Variants in IL17RE observed in about 807,000 individuals in gnomAD.
IL17RE encodes interleukin-17 receptor E.
IL17RE carries 47 observed loss-of-function variants against 70.7 expected under a neutral mutation model. The observed-to-expected ratio is 0.67, with a 90% CI of 0.53 to 0.85. The LOEUF is 0.85. IL17RE is among the 40% of genes least tolerant of loss of function. The pLI is 0.00. For synonymous variants in IL17RE, 372 were observed against 381.2 expected (o/e 0.98, Z 0.28); for missense variants, 850 against 893.9 (o/e 0.95, Z 0.63).
Position 9,909,677 on chromosome 3 carries a change from T to G in IL17RE, c.802+394T>G, listed in dbSNP as rs969514369. ...CTGCCTTCAAAGTGTTTGTGAAGCCTGAGTTAAATATTACATATGAAAGTG... is the reference window on the plus strand; with the variant it reads ...CTGCCTTCAAAGTGTTTGTGAAGCCGGAGTTAAATATTACATATGAAAGTG... On this transcript the variant is annotated intron_variant, in intron 8 of 15. Transcript: ENST00000383814. The G allele has an allele frequency of 3.7e-5, 7 of 190,246 alleles. No individual in the cohort carries two copies. In the East Asian group the frequency reaches 9.5e-4, roughly 26 times the overall value. 11.8% of individuals were successfully genotyped at this position (190,246 alleles called of 1,614,324 possible).
At chr3:9,911,373 C>A in intron 11 of IL17RE, 70 bp from the exon 12 acceptor site, 2 of 1,612,976 alleles carry the variant, frequency 1.2e-6, no homozygotes, top group Non-Finnish European at 1.7e-6. Flanking sequence ...CCAAGCTAAA[C>A]CCCAGCCCAG....
intron 12 of IL17RE, among the ~76,000 whole-genome samples, chr3:9,913,701 C>G (rs2082945778): frequency 6.6e-6 from 1 of 152,212 alleles, no homozygotes. Flanking sequence ...GCCTTCTTTC[C>G]TCAGGGCTTG....
Position 9,914,757 on chromosome 3 carries a change from C to T in IL17RE, c.1427C>T (p.Thr476Ile), listed in dbSNP as rs1459694012. ...LTLLGVVLALTCRRPQSGPGP... is the reference protein window; with the variant it reads ...LTLLGVVLALICRRPQSGPGP... ...CTACTGGGTGTTGTTCTGGCCCTCA[C>T]CTGCCGGCGCCCACAGTCAGGTAAG... Residue 476 changes from threonine to isoleucine, a missense_variant, in exon 15 of 16, where the codon ACC (threonine) becomes ATC (isoleucine). Thr to Ile is a moderately conservative substitution (Grantham distance 89). Coordinates refer to ENST00000383814, the MANE Select transcript of IL17RE (RefSeq NM_153480.2). The T allele has an allele frequency of 1.2e-6, 2 of 1,613,828 alleles. No homozygotes were observed. The highest frequency in any genetic ancestry group is 1.1e-5 in the South Asian group (1 of 91,074).
chr3:9,908,992 T>C (rs1242242925), intron 7 of IL17RE, among the ~76,000 whole-genome samples: 1 of 152,088 alleles, frequency 6.6e-6, no homozygotes, highest in African/African-American at 2.4e-5. Flanking sequence ...TAGTTCTCTT[T>C]AGGAGGAAGA....
Position 9,915,150 on chromosome 3 carries a change from G to A in IL17RE, c.1448-101G>A. 1 of 1,326,452 alleles carries A rather than the reference G, an allele frequency of 7.5e-7. No individual in the cohort carries two copies. The highest frequency in any genetic ancestry group is 2.0e-5 in the South Asian group (1 of 50,022). 82.2% of individuals were successfully genotyped at this position (1,326,452 alleles called of 1,614,324 possible). A position where few individuals can be genotyped will look rare whatever the true frequency, so the allele number is the denominator to read the frequency against. On this transcript the variant is annotated intron_variant, in intron 15 of 15. Transcript: ENST00000383814. The surrounding 1 kb of genome is among the most constrained non-coding windows in gnomAD (Gnocchi z 4.9). Reference sequence around the variant, plus strand: ...GAGCAAATAAGGGGCGGGGGCGGGGGCGGAGAGGCGAGCACCCTACGGTAT... The same window carrying A: ...GAGCAAATAAGGGGCGGGGGCGGGGACGGAGAGGCGAGCACCCTACGGTAT...
chr3:9,910,506 C>T, intron 8 of IL17RE: 1 of 242,874 alleles, frequency 4.1e-6, no homozygotes, highest in East Asian at 1.1e-4. Context: ...CCAGCCTGGC[C>T]AATATGGTGA....
chr3:9,911,331 C>T, intron 11 of IL17RE, 31 bp downstream of exon 11: 2 of 1,613,862 alleles, frequency 1.2e-6, no homozygotes, highest in Non-Finnish European at 1.7e-6. Flanking sequence ...TGCTGGGACC[C>T]CCTGCCCCAT....
In IL17RE at chr3:9,908,248, T is replaced by C. The variant is rs2082805774; in HGVS notation, c.676T>C (p.Ser226Pro). Reference protein sequence around the residue: ...SSPYDVQKIVSGGHTVELPYE... With the variant: ...SSPYDVQKIVPGGHTVELPYE... ...GCTGTTTCATCCACAGAAAATTGTGTCTGGGGGCCACACTGTAGAGCTGCC... is the reference window on the plus strand; with the variant it reads ...GCTGTTTCATCCACAGAAAATTGTGCCTGGGGGCCACACTGTAGAGCTGCC... Residue 226 changes from serine (S) to proline (P), a missense_variant, in exon 7 of 16, where the codon TCT (serine) becomes CCT (proline). Coordinates refer to ENST00000383814, the MANE Select transcript of IL17RE (RefSeq NM_153480.2). 10 of 1,614,172 alleles carry C rather than the reference T, an allele frequency of 6.2e-6. No individual in the cohort carries two copies. Among genetic ancestry groups the C allele is most frequent in the Non-Finnish European group, 8.5e-6 (10 of 1,180,000 alleles).
intron 12 of IL17RE, chr3:9,911,877 C>T: frequency 3.3e-6 from 1 of 302,400 alleles, no homozygotes; most frequent in Non-Finnish European, 6.2e-6. Context: ...TCTCGGCTCA[C>T]TGCAAGCTAA....
chr3:9,910,766 C>A, intron 8 of IL17RE, 99 bp from the exon 9 acceptor site: 1 of 1,070,676 alleles, frequency 9.3e-7, no homozygotes, highest in Non-Finnish European at 1.4e-6. Flanking sequence ...GTGCTGGTTA[C>A]TTTTACAAAC....
rs970720056 is a variant in IL17RE at position 9,915,932 on chromosome 3, G to T, written c.*125G>T. On this transcript the variant is annotated 3_prime_UTR_variant, in exon 16 of 16. Transcript: ENST00000383814. This position sits in a 1 kb window ranked among gnomAD's most constrained non-coding sequence, Gnocchi z 4.9. ...CTCGAGGACGACTGGCCGAAAAGCC[G>T]CATTCCCTGCCTCACAGGCCGGAAG... is the stretch of plus-strand genomic sequence containing the variant. 13 of 1,322,652 alleles carry T rather than the reference G, an allele frequency of 9.8e-6. No individual in the cohort carries two copies. The highest frequency in any genetic ancestry group is 1.3e-5 in the Non-Finnish European group (13 of 1,037,216). The allele number at this position is 1,322,652 out of a possible 1,614,324, so 81.9% of individuals were successfully genotyped here.
intron 7 of IL17RE, among the ~76,000 whole-genome samples, chr3:9,908,766 G>T (rs909457175): frequency 6.6e-6 from 1 of 152,182 alleles, no homozygotes; most frequent in Non-Finnish European, 1.5e-5. Flanking sequence ...AGACAGAAAA[G>T]GCAAGGGAAA....
At chr3:9,909,599 A>G (rs1168227979) in intron 8 of IL17RE, 4 of 332,922 alleles carry the variant, frequency 1.2e-5, no homozygotes, top group South Asian at 1.4e-4. Flanking sequence ...AGCTCTGTCA[A>G]TTGTTCTTCT....
Position 9,915,465 on chromosome 3 carries a change from T to A in IL17RE, c.1662T>A (p.Thr554=). Residue 554 remains threonine (T), a synonymous_variant, in exon 16 of 16, where the codon ACT becomes ACA. Transcript: ENST00000383814. This position sits in a 1 kb window ranked among gnomAD's most constrained non-coding sequence, Gnocchi z 4.9. ...ARTRVAREQG[T]VLLLWSGADL... is the part of the protein sequence containing the mutation. ...CGCGCGTAGCGCGGGAGCAGGGCACTGTGCTGCTGCTGTGGAGCGGCGCCG... is the reference window on the plus strand; with the variant it reads ...CGCGCGTAGCGCGGGAGCAGGGCACAGTGCTGCTGCTGTGGAGCGGCGCCG... The A allele has an allele frequency of 1.5e-6, 2 of 1,340,748 alleles. No homozygotes were observed. Among genetic ancestry groups the A allele is most frequent in the Non-Finnish European group, 1.9e-6 (2 of 1,054,588 alleles). The allele number at this position is 1,340,748 out of a possible 1,614,324, so 83.1% of individuals were successfully genotyped here.
upstream of IL17RE, chr3:9,902,762 G>A (rs2082664960): frequency 6.5e-7 from 1 of 1,536,302 alleles, no homozygotes; most frequent in Admixed American, 2.0e-5. Flanking sequence ...GAAGGAATGT[G>A]GCCTGGCTGG....
At chr3:9,911,799 C>G in intron 12 of IL17RE, 1 of 478,010 alleles carries the variant, frequency 2.1e-6, no homozygotes. Flanking sequence ...TCTTTTTTTT[C>G]TTTTTTTCTT....
In IL17RE at chr3:9,910,858, T is replaced by A; in HGVS notation, c.803-7T>A. ...ACCCTCACCCACTGACCCTGCCACC[T>A]GCCCAGATGGCTCGGACTTCTGGAA... On this transcript the variant is annotated splice_region_variant and splice_polypyrimidine_tract_variant and intron_variant, in intron 8 of 15. Transcript: ENST00000383814. The A allele has an allele frequency of 6.2e-7, 1 of 1,612,314 alleles. No homozygotes were observed. Among genetic ancestry groups the A allele is most frequent in the Non-Finnish European group, 8.5e-7 (1 of 1,178,852 alleles).
In IL17RE at chr3:9,915,311, G is replaced by A. The variant is rs781584427; in HGVS notation, c.1508G>A (p.Arg503His). The A allele has an allele frequency of 1.1e-4, 152 of 1,392,402 alleles. 1 individual carries two copies. Among genetic ancestry groups the A allele is most frequent in the Middle Eastern group, 2.6e-4 (1 of 3,800 alleles). The allele number at this position is 1,392,402 out of a possible 1,614,324, so 86.3% of individuals were successfully genotyped here. The change falls in exon 16 of 16, where the codon CGC (arginine) becomes CAC (histidine). Residue 503 changes from arginine to histidine, a missense_variant. Arg to His is a conservative substitution (Grantham distance 29, BLOSUM62 0). Transcript: ENST00000383814. This position sits in a 1 kb window ranked among gnomAD's most constrained non-coding sequence, Gnocchi z 4.9. Reference sequence around the variant, plus strand: ...GCGGCGGACTCGGAGGCGCAGCGGCGCCTGGTGGGAGCGCTGGCTGAACTG... The same window carrying A: ...GCGGCGGACTCGGAGGCGCAGCGGCACCTGGTGGGAGCGCTGGCTGAACTG... ...LHAADSEAQR[R>H]LVGALAELLR...
At chr3:9,908,384 T>C (rs1257271451) in intron 7 of IL17RE, 77 bp downstream of exon 7, 1 of 1,252,870 alleles carries the variant, frequency 8.0e-7, no homozygotes, top group African/African-American at 1.5e-5. Context: ...GTCAAGTATA[T>C]CTCCAGTAAA....
Sources: gnomAD v4.1 joint callset for allele counts (sites outside exome capture counted in the v4.1 genomes callset) on GRCh38, gnomAD v4.1.1 for gene constraint, Gnocchi (gnomAD v3.1) non-coding constraint, MANE v1.5 for transcripts, NCBI Gene and HGNC (gene_info 2026-07-23, HGNC 2026-07-21) for gene names.